ARFGEF1: variants seen among roughly 807,000 people sequenced by gnomAD.
The protein encoded by ARFGEF1 is brefeldin A-inhibited guanine nucleotide-exchange protein 1.
In ARFGEF1, 42 loss-of-function variants were observed where a neutral mutation model predicts 231.0. The ratio of observed to expected loss-of-function variants is 0.18; its 90% CI spans 0.14 to 0.24. The LOEUF is 0.24. Ranked by LOEUF, ARFGEF1 falls within the 10% of genes least tolerant of loss-of-function variation. The pLI, the probability that ARFGEF1 is intolerant of heterozygous loss-of-function variation, is 1.00. For missense variants in ARFGEF1, 1,345 were observed against 2,192.0 expected, an observed-to-expected ratio of 0.61 and a Z score of 7.72; for synonymous variants, 710 against 732.3, an observed-to-expected ratio of 0.97 and a Z score of 0.49.
chr8:67,314,851 G>A (rs1016802581), intron 1 of ARFGEF1, among the ~76,000 whole-genome samples: 20 of 152,080 alleles, frequency 1.3e-4, no homozygotes, highest in Non-Finnish European at 2.5e-4. Context: ...TCGGGGCAAC[G>A]TAGCAGGACC....
chr8:67,287,042 G>A (rs967036052), intron 7 of ARFGEF1, among the ~76,000 whole-genome samples: 4 of 152,174 alleles, frequency 2.6e-5, no homozygotes, highest in African/African-American at 9.7e-5. Context: ...TACCTGTGCA[G>A]GAAAGAGGTA....
chr8:67,253,431 CAATT>C lies in ARFGEF1; in HGVS notation c.2698+16_2698+19del. 1 of 1,481,426 alleles carries C rather than the reference CAATT, an allele frequency of 6.8e-7. No homozygotes were observed. Among genetic ancestry groups the C allele is most frequent in the Non-Finnish European group, 9.2e-7 (1 of 1,083,574 alleles). The allele number at this position is 1,481,426 out of a possible 1,614,324, so 91.8% of individuals were successfully genotyped here. A position where few individuals can be genotyped will look rare whatever the true frequency, so the allele number is the denominator to read the frequency against. On this transcript the variant is annotated intron_variant, in intron 18 of 38. Transcript: ENST00000262215. Reference sequence around the variant, plus strand: ...TTTTTCCCCTTGAACAATCAGAATTCAATTAATTTAGATACTTACTCTGTTTACT... The same window carrying C: ...TTTTTCCCCTTGAACAATCAGAATTCAATTTAGATACTTACTCTGTTTACT...
chr8:67,318,817 A>C (rs1807446563), intron 1 of ARFGEF1, among the ~76,000 whole-genome samples: 1 of 152,210 alleles, frequency 6.6e-6, no homozygotes, highest in African/African-American at 2.4e-5. Context: ...CTCTACAAAA[A>C]AGTTTAAAAA....
chr8:67,313,730 C>T (rs1484799006), intron 1 of ARFGEF1, among the ~76,000 whole-genome samples: 3 of 152,148 alleles, frequency 2.0e-5, no homozygotes, highest in Admixed American at 2.0e-4. Flanking sequence ...TATTTTTGTG[C>T]TGGTTGGCCT....
chr8:67,195,754 TAAAA>T, downstream of ARFGEF1: 1 of 608,056 alleles, frequency 1.6e-6, no homozygotes, highest in Admixed American at 3.0e-5. Context: ...TGTACATAAA[TAAAA>T]GGCCATGATT....
chr8:67,185,891 G>A (rs1031538395), intron 5 of ARFGEF1, among the ~76,000 whole-genome samples: 12 of 152,022 alleles, frequency 7.9e-5, no homozygotes, highest in African/African-American at 2.9e-4. Context: ...AAAAGGACAA[G>A]AATCCTTCAA....
intron 1 of ARFGEF1, among the ~76,000 whole-genome samples, chr8:67,341,015 AGAG>A (rs925459160): frequency 6.6e-5 from 10 of 152,178 alleles, no homozygotes; most frequent in African/African-American, 2.4e-4. Context: ...ATGGCACATT[AGAG>A]GAGATGTGAC....
Position 67,343,087 on chromosome 8 carries a change from G to GC in ARFGEF1, c.124+76_124+77insG. ...CGCGGGCCTCGGGCAAGCCCCGGGC[G>GC]ACCCCACCCCCCCACAGGCGCCCCC... is the stretch of plus-strand genomic sequence containing the variant. On this transcript the variant is annotated intron_variant, in intron 1 of 38. Transcript: ENST00000262215. The GC allele has an allele frequency of 8.2e-6, 8 of 971,350 alleles. No individual in the cohort carries two copies. In the East Asian group the frequency reaches 9.4e-5, roughly 11 times the overall value. The allele number at this position is 971,350 out of a possible 1,614,324, so 60.2% of individuals were successfully genotyped here.
At chr8:67,280,510 AATG>A (rs1333515479) in intron 7 of ARFGEF1, among the ~76,000 whole-genome samples, 1 of 152,240 alleles carries the variant, frequency 6.6e-6, no homozygotes, top group Non-Finnish European at 1.5e-5. Flanking sequence ...GCCATTACTG[AATG>A]ATGCCAGCTT....
chr8:67,216,150 T>G (rs1838922191), intron 33 of ARFGEF1, among the ~76,000 whole-genome samples: 1 of 152,210 alleles, frequency 6.6e-6, no homozygotes, highest in Non-Finnish European at 1.5e-5. Flanking sequence ...TATACCATCT[T>G]CTTAAAAGAG....
intron 17 of ARFGEF1, among the ~76,000 whole-genome samples, chr8:67,254,384 T>C (rs746617078): frequency 1.3e-5 from 2 of 152,192 alleles, no homozygotes; most frequent in East Asian, 1.9e-4. Context: ...TATTTCTACG[T>C]CTTATATGAT....
chr8:67,298,484 T>A (rs1238683542), intron 4 of ARFGEF1, among the ~76,000 whole-genome samples: 2 of 152,180 alleles, frequency 1.3e-5, no homozygotes, highest in African/African-American at 4.8e-5. Context: ...AGTGTCCACC[T>A]GGTAATTTGT....
intron 1 of ARFGEF1, among the ~76,000 whole-genome samples, chr8:67,317,518 C>A (rs1807374181): frequency 6.7e-6 from 1 of 150,256 alleles, no homozygotes; most frequent in Admixed American, 6.6e-5. Context: ...ACGCAAAAAT[C>A]ATCAAATACT....
At chr8:67,236,781 C>T (rs900313550) in intron 22 of ARFGEF1, among the ~76,000 whole-genome samples, 1 of 152,156 alleles carries the variant, frequency 6.6e-6, no homozygotes, top group African/African-American at 2.4e-5. Flanking sequence ...GAAGCCTGAA[C>T]TGTTTTTCAT....
chr8:67,178,734 C>G (rs915919794), intron 5 of ARFGEF1, among the ~76,000 whole-genome samples: 1 of 152,056 alleles, frequency 6.6e-6, no homozygotes, highest in African/African-American at 2.4e-5. Context: ...GGAAGTTGGC[C>G]TAGTGCATGT....
At chr8:67,311,036 G>C (rs1312581354) in intron 1 of ARFGEF1, among the ~76,000 whole-genome samples, 1 of 147,578 alleles carries the variant, frequency 6.8e-6, no homozygotes, top group African/African-American at 2.5e-5. Flanking sequence ...GGTGAGGGGC[G>C]CCTCTGCCCG....
At chr8:67,233,836 C>T (rs1839630725) in intron 22 of ARFGEF1, among the ~76,000 whole-genome samples, 1 of 152,060 alleles carries the variant, frequency 6.6e-6, no homozygotes. Context: ...CCTCAACTAT[C>T]TAAAACTTAC....
chr8:67,257,939 G>A, intron 16 of ARFGEF1, 123 bp from the exon 17 acceptor site: 1 of 1,194,970 alleles, frequency 8.4e-7, no homozygotes, highest in Non-Finnish European at 1.2e-6. Context: ...AATTTTTTAT[G>A]GATTTGTTTT....
Position 67,234,900 on chromosome 8 carries a change from T to C in ARFGEF1, c.3290-1955A>G, listed in dbSNP as rs551731167. 9.3e-4 allele frequency among the ~76,000 whole-genome samples: 142 copies of C among 152,070 alleles called. 1 individual carries two copies. Among genetic ancestry groups the C allele is most frequent in the African/African-American group, 3.3e-3 (135 of 41,522 alleles). ...CAGTATTGGGGTGGTAGGGAAATAGTGTCAAGGCAAACTTGACACGCACAG... is the reference window on the plus strand; with the variant it reads ...CAGTATTGGGGTGGTAGGGAAATAGCGTCAAGGCAAACTTGACACGCACAG... On this transcript the variant is annotated intron_variant, in intron 22 of 38. Transcript: ENST00000262215.
Sources: allele counts gnomAD v4.1 joint callset (sites outside exome capture counted in the v4.1 genomes callset), GRCh38; gene constraint gnomAD v4.1.1; transcripts MANE v1.5; gene names NCBI Gene and HGNC (gene_info 2026-07-23, HGNC 2026-07-21).